CTNNA2: variants seen among roughly 807,000 people sequenced by gnomAD.
The protein encoded by CTNNA2 is catenin alpha-2.
A neutral mutation model predicts 101.0 loss-of-function variants in CTNNA2; 42 were observed. The observed-to-expected ratio is 0.42, with a 90% CI of 0.32 to 0.54. The LOEUF is 0.54. Among genes scored for constraint, CTNNA2 ranks in the 20% least tolerant of loss-of-function variants. The probability of loss-of-function intolerance (pLI) is 0.14; values close to 1 mark genes in which losing one functional copy is unlikely to be tolerated. For synonymous variants in CTNNA2, 450 were observed against 456.4 expected, an observed-to-expected ratio of 0.99 and a Z score of 0.18; for missense variants, 871 against 1,223.1, an observed-to-expected ratio of 0.71 and a Z score of 4.29.
intron 7 of CTNNA2, among the ~76,000 whole-genome samples, chr2:80,057,164 G>A (rs1268587335): frequency 1.4e-5 from 2 of 146,862 alleles, no homozygotes. Flanking sequence ...GGGATAAGAA[G>A]TATATAAGTT....
chr2:79,621,355 T>C (rs1411021149), intron 1 of CTNNA2, among the ~76,000 whole-genome samples: 1 of 152,146 alleles, frequency 6.6e-6, no homozygotes, highest in East Asian at 1.9e-4. Flanking sequence ...TTATTGTCCA[T>C]GGGTTTGAGC....
intron 2 of CTNNA2, among the ~76,000 whole-genome samples, chr2:79,695,037 T>TGG (rs1553452572): frequency 6.6e-6 from 1 of 151,048 alleles, no homozygotes. Context: ...TTTTTTTTTT[T>TGG]GGGGTATTAT....
chr2:79,318,099 T>C (rs576866094), intron 3 of CTNNA2, among the ~76,000 whole-genome samples: 2 of 152,230 alleles, frequency 1.3e-5, no homozygotes, highest in South Asian at 2.1e-4. Context: ...TATTATGATA[T>C]GTTTTTGTAA....
intron 7 of CTNNA2, among the ~76,000 whole-genome samples, chr2:80,039,679 A>G (rs1695908399): frequency 6.6e-6 from 1 of 152,136 alleles, no homozygotes; most frequent in Non-Finnish European, 1.5e-5. Context: ...CCATCTCTTA[A>G]TCTTCCCTTT....
At chr2:80,531,702 AGGAGACCTG>A (rs1037708683) in intron 9 of CTNNA2, among the ~76,000 whole-genome samples, 3 of 152,158 alleles carry the variant, frequency 2.0e-5, no homozygotes, top group African/African-American at 7.2e-5. Context: ...TTGTGCTTTA[AGGAGACCTG>A]GGAGGGGCAC....
chr2:79,595,709 T>G (rs547193711), intron 1 of CTNNA2, among the ~76,000 whole-genome samples: 3 of 152,080 alleles, frequency 2.0e-5, no homozygotes, highest in Non-Finnish European at 4.4e-5. Flanking sequence ...TCGTTTTCCT[T>G]TATATGAGCT....
chr2:80,297,424 G>C (rs1014746100), intron 7 of CTNNA2, among the ~76,000 whole-genome samples: 8 of 152,104 alleles, frequency 5.3e-5, no homozygotes, highest in African/African-American at 1.9e-4. Flanking sequence ...CACTTATTGT[G>C]ATCTAGATAA....
chr2:80,619,069 ATC>A lies in CTNNA2; in HGVS notation c.2431-11_2431-10del. ...CTCTCTCTCATTCTCTCTTTTCTGT[ATC>A]TCTCGGAAATCAGACAGGAGTTCAG... On this transcript the variant is annotated splice_polypyrimidine_tract_variant and intron_variant, in intron 17 of 18. Coordinates refer to ENST00000402739, the MANE Select transcript of CTNNA2 (RefSeq NM_001282597.3). The A allele has an allele frequency of 7.4e-7, 1 of 1,343,882 alleles. No homozygotes were observed. The allele number at this position is 1,343,882 out of a possible 1,614,324, so 83.2% of individuals were successfully genotyped here.
intron 2 of CTNNA2, among the ~76,000 whole-genome samples, chr2:79,254,871 G>T (rs556016909): frequency 5.3e-5 from 8 of 152,286 alleles, no homozygotes; most frequent in African/African-American, 1.7e-4. Context: ...AAATAGGAAG[G>T]AAATCCTTTG....
chr2:79,619,637 G>A (rs1437062972), intron 1 of CTNNA2, among the ~76,000 whole-genome samples: 2 of 152,098 alleles, frequency 1.3e-5, no homozygotes, highest in African/African-American at 4.8e-5. Flanking sequence ...CATTAAGAAA[G>A]TGTTTGAATA....
chr2:79,332,963 G>A (rs1458045941), intron 3 of CTNNA2, among the ~76,000 whole-genome samples: 1 of 152,018 alleles, frequency 6.6e-6, no homozygotes, highest in Non-Finnish European at 1.5e-5. Flanking sequence ...AAAAATCAAA[G>A]TTTTATTTCA....
At chr2:79,735,541 A>G (rs886432887) in intron 2 of CTNNA2, among the ~76,000 whole-genome samples, 23 of 152,300 alleles carry the variant, frequency 1.5e-4, no homozygotes, top group African/African-American at 4.8e-4. Context: ...TTATTTGGGG[A>G]GTTATTTCTG....
chr2:80,632,645 G>A (rs1339183452), intron 18 of CTNNA2, among the ~76,000 whole-genome samples: 1 of 152,078 alleles, frequency 6.6e-6, no homozygotes, highest in Non-Finnish European at 1.5e-5. Context: ...CTCTTGTTTT[G>A]CTAGGGCTTA....
chr2:80,413,238 A>G (rs1679749339), intron 8 of CTNNA2, among the ~76,000 whole-genome samples: 1 of 152,144 alleles, frequency 6.6e-6, no homozygotes, highest in Non-Finnish European at 1.5e-5. Flanking sequence ...GACCTGAATG[A>G]ATTTGGTGGA....
At chr2:80,480,048 C>T (rs1686030060) in intron 9 of CTNNA2, among the ~76,000 whole-genome samples, 2 of 152,074 alleles carry the variant, frequency 1.3e-5, no homozygotes, top group African/African-American at 4.8e-5. Flanking sequence ...CACTACTTTT[C>T]CTTACATAAT....
chr2:80,631,366 T>TTC (rs138956864), intron 18 of CTNNA2, among the ~76,000 whole-genome samples: 52,613 of 143,856 alleles, frequency 0.37, 9,385 homozygotes, highest in East Asian at 0.45. Context: ...CACTAATTTT[T>TTC]TTTTTTTTTT....
chr2:79,917,105 C>A (rs557892310), intron 7 of CTNNA2, among the ~76,000 whole-genome samples: 118 of 151,294 alleles, frequency 7.8e-4, no homozygotes, highest in Non-Finnish European at 2.2e-4. Context: ...CGGAGTCTTG[C>A]TTTGTGGCCA....
chr2:80,396,276 T>C (rs1425757721), intron 8 of CTNNA2, among the ~76,000 whole-genome samples: 3 of 152,232 alleles, frequency 2.0e-5, no homozygotes, highest in Non-Finnish European at 4.4e-5. Flanking sequence ...TGAATCCATC[T>C]TGCCAGTCAA....
chr2:80,335,550 T>C (rs998294745), intron 7 of CTNNA2, among the ~76,000 whole-genome samples: 3 of 150,772 alleles, frequency 2.0e-5, no homozygotes, highest in Admixed American at 2.0e-4. Context: ...AGCAGTCTAA[T>C]TGTTTTTTCT....
Sources: allele counts gnomAD v4.1 joint callset (sites outside exome capture counted in the v4.1 genomes callset), GRCh38; gene constraint gnomAD v4.1.1; transcripts MANE v1.5; gene names NCBI Gene and HGNC (gene_info 2026-07-23, HGNC 2026-07-21).